PKHD1: variants seen among roughly 807,000 people sequenced by gnomAD.
The protein encoded by PKHD1 is PKHD1 ciliary IPT domain containing fibrocystin/polyductin.
Under a neutral mutation model 412.0 loss-of-function variants are expected in PKHD1, and 291 were observed. The observed-to-expected ratio is 0.71, with a 90% CI of 0.64 to 0.78. PKHD1 has a LOEUF of 0.78. Among genes scored for constraint, PKHD1 ranks in the 30% least tolerant of loss-of-function variants. The probability of loss-of-function intolerance (pLI) is 0.00; values close to 1 mark genes in which losing one functional copy is unlikely to be tolerated. For synonymous variants in PKHD1, 1,777 were observed against 1,821.5 expected, an observed-to-expected ratio of 0.98 and a Z score of 0.62; for missense variants, 4,825 against 4,950.7, an observed-to-expected ratio of 0.97 and a Z score of 0.76.
intron 64 of PKHD1, among the ~76,000 whole-genome samples, chr6:51,635,932 CCT>C (rs111504183): frequency 7.3e-5 from 11 of 151,208 alleles, no homozygotes; most frequent in Admixed American, 2.0e-4. Context: ...AGCAGCAGCC[CCT>C]GAGGGCCTCC....
intron 35 of PKHD1, among the ~76,000 whole-genome samples, chr6:51,967,638 T>TTGTG (rs111737273): frequency 2.6e-4 from 35 of 136,916 alleles, no homozygotes; most frequent in African/African-American, 9.0e-4. Flanking sequence ...GTGTGGGAAG[T>TTGTG]TGTGTGTGTG....
intron 35 of PKHD1, among the ~76,000 whole-genome samples, chr6:51,992,924 C>G (rs1188440418): frequency 6.6e-6 from 1 of 152,200 alleles, no homozygotes; most frequent in Non-Finnish European, 1.5e-5. Context: ...CAGTCCCTGC[C>G]CCCATTAAAA....
intron 50 of PKHD1, among the ~76,000 whole-genome samples, chr6:51,837,557 C>G (rs186046991): frequency 6.6e-6 from 1 of 151,928 alleles, no homozygotes; most frequent in Non-Finnish European, 1.5e-5. Context: ...AACACAAAAA[C>G]TAGCCATGCG....
At chr6:51,710,846 C>T (rs1562145636) in intron 60 of PKHD1, among the ~76,000 whole-genome samples, 1 of 152,168 alleles carries the variant, frequency 6.6e-6, no homozygotes. Context: ...CCTAGAGATA[C>T]ACAGCTAGTA....
At chr6:51,982,880 T>TAAAAAAAAAAAAAAAAAAAAAAAA (rs777201105) in intron 35 of PKHD1, among the ~76,000 whole-genome samples, 1 of 135,942 alleles carries the variant, frequency 7.4e-6, no homozygotes, top group Admixed American at 7.5e-5. Context: ...TAAAATAAAA[T>TAAAAAAAAAAAAAAAAAAAAAAAA]AAAATAAAAT....
intron 46 of PKHD1, among the ~76,000 whole-genome samples, chr6:51,871,921 T>A (rs1429038915): frequency 5.1e-5 from 3 of 58,686 alleles, no homozygotes; most frequent in African/African-American, 1.4e-4. Context: ...AGTCTAGAAA[T>A]CAGAAGAAAA....
intron 52 of PKHD1, among the ~76,000 whole-genome samples, chr6:51,814,217 C>T (rs1429615835): frequency 6.6e-6 from 1 of 152,152 alleles, no homozygotes; most frequent in African/African-American, 2.4e-5. Flanking sequence ...TTAATTCATT[C>T]AGACTTGCAA....
At chr6:51,810,810 C>T (rs773563588) in intron 52 of PKHD1, among the ~76,000 whole-genome samples, 10 of 152,108 alleles carry the variant, frequency 6.6e-5, no homozygotes, top group Admixed American at 2.0e-4. Context: ...TCATTCTTGG[C>T]TCTTTATATA....
At chr6:51,925,459 G>GTGTGTGTGTGTGTA (rs1554140296) in intron 37 of PKHD1, among the ~76,000 whole-genome samples, 4 of 136,364 alleles carry the variant, frequency 2.9e-5, no homozygotes, top group Non-Finnish European at 4.8e-5. Context: ...GTGTGTATGT[G>GTGTGTGTGTGTGTA]TGTGTGTGTG....
At chr6:52,086,237 A>T (rs1427112864) in intron 1 of PKHD1, among the ~76,000 whole-genome samples, 1 of 151,240 alleles carries the variant, frequency 6.6e-6, no homozygotes, top group Admixed American at 6.6e-5. Context: ...CAGCCTCCTG[A>T]GTAGCTGGGA....
At chr6:51,636,097 T>C (rs1157531155) in intron 64 of PKHD1, among the ~76,000 whole-genome samples, 3 of 152,192 alleles carry the variant, frequency 2.0e-5, no homozygotes, top group African/African-American at 7.2e-5. Context: ...TGAGAAGTGA[T>C]AAATGAGCTG....
At chr6:51,783,348 T>C (rs1247864326) in intron 53 of PKHD1, among the ~76,000 whole-genome samples, 1 of 150,058 alleles carries the variant, frequency 6.7e-6, no homozygotes, top group Non-Finnish European at 1.5e-5. Flanking sequence ...ACAATACAAA[T>C]AAATTTTATA....
At chr6:51,631,203 A>C (rs1193532575) in intron 65 of PKHD1, among the ~76,000 whole-genome samples, 1 of 152,220 alleles carries the variant, frequency 6.6e-6, no homozygotes, top group African/African-American at 2.4e-5. Context: ...ATAAAAATTT[A>C]TGAAAATTCT....
Position 51,960,010 on chromosome 6 carries a change from T to C in PKHD1, c.5768A>G (p.Gln1923Arg), listed in dbSNP as rs150838488. The C allele has an allele frequency of 5.0e-6, 8 of 1,613,250 alleles. No individual in the cohort carries two copies. Among genetic ancestry groups the C allele is most frequent in the Non-Finnish European group, 2.5e-6 (3 of 1,179,546 alleles). Residue 1923 changes from glutamine (Q) to arginine (R), a missense_variant, in exon 36 of 67, where the codon CAG (glutamine) becomes CGG (arginine). Physicochemically the swap from Gln to Arg is conservative, Grantham distance 43 (BLOSUM62 1). Transcript: ENST00000371117. Reference protein sequence around the residue: ...GQNTQGNFSLQFCRRWSRTHS... With the variant: ...GQNTQGNFSLRFCRRWSRTHS... ...AGTCCTGGACCATCTCCGGCAGAAC[T>C]GTAAAGAAAAGTTGCCCTGGAAAAC... is the stretch of plus-strand genomic sequence containing the variant.
Position 52,058,381 on chromosome 6 carries a change from G to C in PKHD1, c.1454C>G (p.Thr485Ser). ...GATCTGGTGCTTCTCCCGTAGGTAA[G>C]TGGTGACCACATCAGGATTCAGCCA... ...NTWLNPDVVT[T>S]YLREKHQIRV... Residue 485 changes from threonine to serine, a missense_variant, in exon 16 of 67, where the codon ACT becomes AGT. By Grantham distance (58) the Thr-to-Ser change is moderately conservative (BLOSUM62 1). Coordinates refer to ENST00000371117, the MANE Select transcript of PKHD1 (RefSeq NM_138694.4). 1 of 1,614,164 alleles carries C rather than the reference G, an allele frequency of 6.2e-7. No homozygotes were observed. The highest frequency in any genetic ancestry group is 8.5e-7 in the Non-Finnish European group (1 of 1,180,016).
intron 52 of PKHD1, among the ~76,000 whole-genome samples, chr6:51,807,485 A>ATATATGTGTGTG (rs765667001): frequency 0.023 from 2,588 of 111,636 alleles, 182 homozygotes; most frequent in African/African-American, 0.077. Flanking sequence ...ATATATGTAT[A>ATATATGTGTGTG]TGTGTGTGTG....
intron 36 of PKHD1, among the ~76,000 whole-genome samples, chr6:51,955,868 G>A (rs2127920892): frequency 6.6e-6 from 1 of 152,100 alleles, no homozygotes; most frequent in East Asian, 1.9e-4. Flanking sequence ...GATGGTATCA[G>A]AAAAAGTAAA....
At chr6:51,887,102 C>T (rs775519280) in intron 44 of PKHD1, 31 bp downstream of exon 44, 9 of 1,358,808 alleles carry the variant, frequency 6.6e-6, no homozygotes, top group Non-Finnish European at 6.3e-6. Context: ...CATAAGACAG[C>T]CAAAACATAG....
chr6:51,725,253 A>G (rs1562173151), intron 60 of PKHD1, among the ~76,000 whole-genome samples: 1 of 152,182 alleles, frequency 6.6e-6, no homozygotes, highest in Non-Finnish European at 1.5e-5. Context: ...AAACCTACGT[A>G]TCTGGAATAA....
Sources: gnomAD v4.1 joint callset for allele counts (sites outside exome capture counted in the v4.1 genomes callset) on GRCh38, gnomAD v4.1.1 for gene constraint, MANE v1.5 for transcripts, NCBI Gene and HGNC (gene_info 2026-07-23, HGNC 2026-07-21) for gene names.